The following KHDRBS2 variants were observed in gnomAD, a reference collection of about 807,000 sequenced individuals.
KHDRBS2 encodes the protein KH RNA binding domain containing, signal transduction associated 2.
Under a neutral mutation model 44.3 loss-of-function variants are expected in KHDRBS2, and 26 were observed. The ratio of observed to expected loss-of-function variants is 0.59; its 90% CI spans 0.43 to 0.81. KHDRBS2 has a LOEUF of 0.81. Ranked by LOEUF, KHDRBS2 falls within the 40% of genes least tolerant of loss-of-function variation. The pLI, the probability that KHDRBS2 is intolerant of heterozygous loss-of-function variation, is 0.00. For missense variants in KHDRBS2, 476 were observed against 433.1 expected, an observed-to-expected ratio of 1.10 and a Z score of -0.88; for synonymous variants, 194 against 151.1, an observed-to-expected ratio of 1.28 and a Z score of -2.08.
chr6:61,906,926 A>T (rs1191995108), intron 4 of KHDRBS2, among the ~76,000 whole-genome samples: 1 of 151,948 alleles, frequency 6.6e-6, no homozygotes, highest in African/African-American at 2.4e-5. Context: ...TGTATACCTA[A>T]CAGTGGAACT....
chr6:61,784,436 G>C (rs1783477954), intron 6 of KHDRBS2, among the ~76,000 whole-genome samples: 1 of 151,754 alleles, frequency 6.6e-6, no homozygotes, highest in Admixed American at 6.6e-5. Context: ...AATGTAATAT[G>C]AGAAATAACT....
chr6:61,915,535 T>C (rs1385009686), intron 4 of KHDRBS2, among the ~76,000 whole-genome samples: 3 of 152,016 alleles, frequency 2.0e-5, no homozygotes, highest in South Asian at 4.1e-4. Flanking sequence ...TAGGGTGCTA[T>C]GTACACCTGG....
chr6:62,016,952 T>C (rs1413421041), intron 3 of KHDRBS2, among the ~76,000 whole-genome samples: 1 of 152,156 alleles, frequency 6.6e-6, no homozygotes, highest in Non-Finnish European at 1.5e-5. Flanking sequence ...TAAAAAAATA[T>C]TCAGCAAATC....
chr6:62,083,525 C>T (rs1797818635), intron 2 of KHDRBS2, among the ~76,000 whole-genome samples: 1 of 152,162 alleles, frequency 6.6e-6, no homozygotes, highest in South Asian at 2.1e-4. Context: ...GACAGCAAAA[C>T]TAAAGGAGCA....
the KHDRBS2 span, among the ~76,000 whole-genome samples, chr6:61,616,222 C>T: frequency 6.6e-6 from 1 of 152,020 alleles, no homozygotes; most frequent in African/African-American, 2.4e-5. Flanking sequence ...AAAAGTGTAA[C>T]CAAACTTCCT....
At chr6:61,698,054 A>T (rs1317677179) in intron 7 of KHDRBS2, among the ~76,000 whole-genome samples, 1 of 152,174 alleles carries the variant, frequency 6.6e-6, no homozygotes, top group Non-Finnish European at 1.5e-5. Context: ...ATTTGAAGAC[A>T]ATCAGGCTGT....
At position 62,040,374 on chromosome 6, in the gene KHDRBS2, AT is replaced by A. The variant is rs1276286111; in HGVS notation, c.336+7503del. Among the ~76,000 whole-genome samples the A allele has an allele frequency of 1.1e-4, 16 of 152,178 alleles. No individual in the cohort carries two copies. In the East Asian group the frequency reaches 3.1e-3, roughly 29 times the overall value. On this transcript the variant is annotated intron_variant, in intron 3 of 8. Coordinates refer to ENST00000281156, the MANE Select transcript of KHDRBS2 (RefSeq NM_152688.4). ...TAGTAATAATGTGTTCCAGTTATTT[AT>A]TGTTGCATAACTAACCATGATACAT... is the stretch of plus-strand genomic sequence containing the variant.
At chr6:61,838,927 A>G (rs1163397546) in intron 6 of KHDRBS2, among the ~76,000 whole-genome samples, 6 of 152,022 alleles carry the variant, frequency 3.9e-5, no homozygotes, top group Admixed American at 6.6e-5. Context: ...TATGAGCTAA[A>G]AGTTGCTGAA....
intron 6 of KHDRBS2, among the ~76,000 whole-genome samples, chr6:61,754,087 G>A (rs546401803): frequency 4.0e-4 from 61 of 152,224 alleles, no homozygotes; most frequent in East Asian, 7.7e-4. Context: ...TCTGGCCTCC[G>A]GAACTGCGAG....
intron 1 of KHDRBS2, among the ~76,000 whole-genome samples, chr6:62,239,773 C>T (rs1392939535): frequency 6.6e-6 from 1 of 151,976 alleles, no homozygotes; most frequent in Non-Finnish European, 1.5e-5. Context: ...GCAACTTCCA[C>T]GTCCCAGGTT....
At chr6:61,901,080 A>G (rs890310441) in intron 5 of KHDRBS2, among the ~76,000 whole-genome samples, 164 bp downstream of exon 5, 1 of 152,182 alleles carries the variant, frequency 6.6e-6, no homozygotes, top group Non-Finnish European at 1.5e-5. Context: ...TAACATGTGT[A>G]AAGCTCTTCT....
chr6:61,765,928 G>C (rs752676990), intron 6 of KHDRBS2, among the ~76,000 whole-genome samples: 2 of 133,978 alleles, frequency 1.5e-5, no homozygotes, highest in Non-Finnish European at 3.1e-5. Flanking sequence ...CAGGTTTATT[G>C]GCCTGTAGTT....
intron 3 of KHDRBS2, among the ~76,000 whole-genome samples, chr6:62,023,564 T>C (rs1782724025): frequency 6.6e-6 from 1 of 151,682 alleles, no homozygotes. Context: ...ATTTTGTGAC[T>C]ATTGTTTTTT....
At chr6:61,830,449 C>A (rs1414407212) in intron 6 of KHDRBS2, among the ~76,000 whole-genome samples, 1 of 152,158 alleles carries the variant, frequency 6.6e-6, no homozygotes, top group Non-Finnish European at 1.5e-5. Flanking sequence ...ATTGGTAAAC[C>A]ATAGAACATT....
chr6:61,808,038 CAG>C (rs1464489608), intron 6 of KHDRBS2, among the ~76,000 whole-genome samples: 1 of 152,020 alleles, frequency 6.6e-6, no homozygotes, highest in Admixed American at 6.6e-5. Flanking sequence ...GATGTTCACC[CAG>C]TAAGCTCCAT....
intron 4 of KHDRBS2, among the ~76,000 whole-genome samples, chr6:61,940,103 G>A (rs991211880): frequency 2.6e-5 from 4 of 151,814 alleles, no homozygotes; most frequent in African/African-American, 9.7e-5. Flanking sequence ...GATAAATAAT[G>A]TTAATTTTAT....
intron 2 of KHDRBS2, among the ~76,000 whole-genome samples, chr6:62,098,624 C>G (rs1432864523): frequency 6.6e-6 from 1 of 152,116 alleles, no homozygotes; most frequent in Non-Finnish European, 1.5e-5. Flanking sequence ...TCTTGGGGAA[C>G]ACTCATTTGA....
At chr6:61,637,927 G>C in the KHDRBS2 span, among the ~76,000 whole-genome samples, 1 of 152,036 alleles carries the variant, frequency 6.6e-6, no homozygotes, top group Non-Finnish European at 1.5e-5. Flanking sequence ...GTAGATTCTG[G>C]ATATTAGCCC....
At chr6:61,671,584 A>G in the KHDRBS2 span, among the ~76,000 whole-genome samples, 898 of 151,844 alleles carry the variant, frequency 5.9e-3, 5 homozygotes, top group Non-Finnish European at 9.0e-3. Flanking sequence ...AGAGACTAAG[A>G]AACTAATTTT....
Sources: allele counts gnomAD v4.1 joint callset (sites outside exome capture counted in the v4.1 genomes callset), GRCh38; gene constraint gnomAD v4.1.1; transcripts MANE v1.5; gene names NCBI Gene and HGNC (gene_info 2026-07-23, HGNC 2026-07-21).